ADCY5: variants seen among roughly 807,000 people sequenced by gnomAD.
ADCY5 encodes adenylate cyclase type 5.
ADCY5 carries 30 observed loss-of-function variants against 119.7 expected under a neutral mutation model. The observed-to-expected ratio is 0.25, with a 90% CI of 0.19 to 0.34. The LOEUF (loss-of-function observed/expected upper bound fraction) is 0.34, where lower values mean the gene tolerates loss of function less well. Ranked by LOEUF, ADCY5 falls within the 10% of genes least tolerant of loss-of-function variation. The pLI is 1.00. For synonymous variants in ADCY5, 753 were observed against 762.2 expected (o/e 0.99, Z 0.20); for missense variants, 1,324 against 1,775.2 (o/e 0.75, Z 4.57).
chr3:123,380,721 C>G (rs1310425180), intron 1 of ADCY5, among the ~76,000 whole-genome samples: 2 of 152,220 alleles, frequency 1.3e-5, no homozygotes, highest in African/African-American at 4.8e-5. Flanking sequence ...GGCCCACTCT[C>G]TGGGTCAGTG....
intron 17 of ADCY5, among the ~76,000 whole-genome samples, chr3:123,293,403 T>C (rs78431448): frequency 0.017 from 2,523 of 152,278 alleles, 66 homozygotes; most frequent in African/African-American, 0.054. Flanking sequence ...ATTTATGTGA[T>C]GATGGCTCCC....
chr3:123,321,278 T>G lies in ADCY5; in HGVS notation c.2089-507A>C, dbSNP rs536603592. Among the ~76,000 whole-genome samples, 32 of 152,198 alleles carry G rather than the reference T, an allele frequency of 2.1e-4. 1 individual carries two copies. The South Asian group carries it at 6.2e-3, about 30-fold the overall frequency. On this transcript the variant is annotated intron_variant, in intron 8 of 20. Transcript: ENST00000462833. ...CATTTTGCACTTAAAAAAACTACACTCTAGTTACCTGCAACAGCTGTTTCA... is the reference window on the plus strand; with the variant it reads ...CATTTTGCACTTAAAAAAACTACACGCTAGTTACCTGCAACAGCTGTTTCA...
At chr3:123,287,407 C>T (rs1381866642) in intron 19 of ADCY5, among the ~76,000 whole-genome samples, 1 of 152,214 alleles carries the variant, frequency 6.6e-6, no homozygotes, top group Non-Finnish European at 1.5e-5. Flanking sequence ...GAAGCGTTCT[C>T]TCTCCTCCTC....
intron 12 of ADCY5, among the ~76,000 whole-genome samples, chr3:123,307,452 AG>A (rs1393563048): frequency 6.6e-6 from 1 of 152,190 alleles, no homozygotes; most frequent in African/African-American, 2.4e-5. Flanking sequence ...CAGAAAAGTT[AG>A]TTAATATCTG....
chr3:123,385,785 G>A (rs995218982), intron 1 of ADCY5, among the ~76,000 whole-genome samples: 2 of 152,310 alleles, frequency 1.3e-5, no homozygotes, highest in Middle Eastern at 3.4e-3. Context: ...AGTTAAAGTA[G>A]ATACTAGCTA....
Position 123,347,852 on chromosome 3 carries a change from C to T in ADCY5, c.1336G>A (p.Ala446Thr). 2 of 1,614,140 alleles carry T rather than the reference C, an allele frequency of 1.2e-6. No individual in the cohort carries two copies. The highest frequency in any genetic ancestry group is 1.3e-5 in the African/African-American group (1 of 75,024). ...TCCTCCTGCTTGGCGTTGATGTCTGCTTTCATCTCCATGGCAACATGACGG... is the reference window on the plus strand; with the variant it reads ...TCCTCCTGCTTGGCGTTGATGTCTGTTTTCATCTCCATGGCAACATGACGG... ...LPRHVAMEMKADINAKQEDMM... is the reference protein window; with the variant it reads ...LPRHVAMEMKTDINAKQEDMM... Residue 446 changes from alanine (A) to threonine (T), a missense_variant, in exon 3 of 21, where the codon GCA (alanine) becomes ACA (threonine). Physicochemically the swap from Ala to Thr is moderately conservative, Grantham distance 58. Coordinates refer to ENST00000462833, the MANE Select transcript of ADCY5 (RefSeq NM_183357.3).
intron 1 of ADCY5, among the ~76,000 whole-genome samples, chr3:123,441,928 G>T (rs1488696943): frequency 1.3e-5 from 2 of 149,196 alleles, no homozygotes; most frequent in East Asian, 4.0e-4. Context: ...TCTTCACAAT[G>T]CTGTAAAGAG....
In ADCY5 at chr3:123,447,586, C is replaced by A; in HGVS notation, c.960G>T (p.Pro320=). 1 of 1,607,588 alleles carries A rather than the reference C, an allele frequency of 6.2e-7. No individual in the cohort carries two copies. The change falls in exon 1 of 21, where the codon CCG becomes CCT. Residue 320 remains proline (P), a synonymous_variant. Coordinates refer to ENST00000462833, the MANE Select transcript of ADCY5 (RefSeq NM_183357.3). ...TGCCCTCAGAGGCGCTGCGTGGCTG[C>A]GGCAGCAGCAGGCCCACCACCTGGA... The part of the protein sequence containing the change: ...LAVQVVGLLL[P]QPRSASEGIW...
chr3:123,344,636 G>A, intron 3 of ADCY5, among the ~76,000 whole-genome samples: 1 of 152,110 alleles, frequency 6.6e-6, no homozygotes, highest in Admixed American at 6.6e-5. Context: ...CCAGCGCCTA[G>A]GCCTAACCAC....
chr3:123,326,631 T>C, intron 7 of ADCY5, among the ~76,000 whole-genome samples: 1 of 152,046 alleles, frequency 6.6e-6, no homozygotes, highest in Non-Finnish European at 1.5e-5. Context: ...GGCCAACGCT[T>C]ACAAACGTGT....
At chr3:123,398,435 A>G (rs1354157970) in intron 1 of ADCY5, among the ~76,000 whole-genome samples, 6 of 152,114 alleles carry the variant, frequency 3.9e-5, no homozygotes, top group Non-Finnish European at 8.8e-5. Context: ...CCGTTTTGCA[A>G]GGACAGATCT....
At chr3:123,393,239 C>CCT (rs1346502482) in intron 1 of ADCY5, among the ~76,000 whole-genome samples, 1 of 152,118 alleles carries the variant, frequency 6.6e-6, no homozygotes, top group African/African-American at 2.4e-5. Context: ...TCTTGGAATC[C>CCT]CTGTGTCCTC....
chr3:123,284,384 A>G lies in ADCY5; in HGVS notation c.*224T>C. ...AGCAGAGTCTTCTACAGAGGGAAACATCTTTGGTCAGCTGGGTGCTCGCAG... is the reference window on the plus strand; with the variant it reads ...AGCAGAGTCTTCTACAGAGGGAAACGTCTTTGGTCAGCTGGGTGCTCGCAG... On this transcript the variant is annotated 3_prime_UTR_variant, in exon 21 of 21. Coordinates refer to ENST00000462833, the MANE Select transcript of ADCY5 (RefSeq NM_183357.3). 1 of 606,886 alleles carries G rather than the reference A, an allele frequency of 1.6e-6. No homozygotes were observed. The allele number at this position is 606,886 out of a possible 1,614,324, so 37.6% of individuals were successfully genotyped here. A position where few individuals can be genotyped will look rare whatever the true frequency, so the allele number is the denominator to read the frequency against.
At chr3:123,335,661 C>A (rs984488620) in intron 3 of ADCY5, among the ~76,000 whole-genome samples, 2 of 152,118 alleles carry the variant, frequency 1.3e-5, no homozygotes, top group Non-Finnish European at 2.9e-5. Context: ...AGGTACAGGA[C>A]CCCCCTGAGA....
At chr3:123,391,620 C>T (rs1427292649) in intron 1 of ADCY5, among the ~76,000 whole-genome samples, 2 of 152,192 alleles carry the variant, frequency 1.3e-5, no homozygotes, top group Non-Finnish European at 2.9e-5. Flanking sequence ...CTAAATGCCA[C>T]AGTACAGAAA....
chr3:123,426,699 A>G (rs1945422807), intron 1 of ADCY5, among the ~76,000 whole-genome samples: 1 of 152,088 alleles, frequency 6.6e-6, no homozygotes, highest in Non-Finnish European at 1.5e-5. Flanking sequence ...TTAAGTACAT[A>G]CTTTGTCAGG....
chr3:123,342,661 C>T (rs1369958613), intron 3 of ADCY5, among the ~76,000 whole-genome samples: 1 of 150,920 alleles, frequency 6.6e-6, no homozygotes, highest in East Asian at 1.9e-4. Context: ...TCTCGCCCTT[C>T]ACACAAAGAA....
intron 17 of ADCY5, 69 bp from the exon 18 acceptor site, chr3:123,291,445 C>G: frequency 6.5e-7 from 1 of 1,545,478 alleles, no homozygotes; most frequent in African/African-American, 1.4e-5. Context: ...TCCACCTCCT[C>G]CTCTCCGTGG....
At chr3:123,320,990 T>C (rs1559803695) in intron 8 of ADCY5, among the ~76,000 whole-genome samples, 1 of 152,116 alleles carries the variant, frequency 6.6e-6, no homozygotes, top group Non-Finnish European at 1.5e-5. Context: ...ACGCCGGGGA[T>C]GCCCTGAGAT....
Sources: allele counts gnomAD v4.1 joint callset (sites outside exome capture counted in the v4.1 genomes callset), GRCh38; gene constraint gnomAD v4.1.1; transcripts MANE v1.5; gene names NCBI Gene and HGNC (gene_info 2026-07-23, HGNC 2026-07-21).